Variants in QTMAN observed in about 807,000 individuals in gnomAD.
QTMAN encodes tRNA-queuosine alpha-mannosyltransferase.
At chr2:144,056,511 T>C in the QTMAN span, among the ~76,000 whole-genome samples, 31 of 152,318 alleles carry the variant, frequency 2.0e-4, no homozygotes, top group African/African-American at 7.5e-4. Context: ...CTGTCTTTCC[T>C]CCCTCCAATC....
At chr2:144,133,128 T>TATATATAG in the QTMAN span, among the ~76,000 whole-genome samples, 1 of 44,904 alleles carries the variant, frequency 2.2e-5, no homozygotes, top group Non-Finnish European at 3.9e-5. Flanking sequence ...TATATATATA[T>TATATATAG]ATATATATAT....
the QTMAN span, among the ~76,000 whole-genome samples, chr2:144,104,881 C>T: frequency 2.6e-5 from 4 of 152,218 alleles, no homozygotes; most frequent in African/African-American, 9.6e-5. Context: ...TGACACCTCA[C>T]ATGGCCAGGT....
chr2:144,060,463 G>A, the QTMAN span, among the ~76,000 whole-genome samples: 1 of 152,116 alleles, frequency 6.6e-6, no homozygotes, highest in Non-Finnish European at 1.5e-5. Flanking sequence ...GTTTCGCCAT[G>A]TTGGCCAGGC....
the QTMAN span, among the ~76,000 whole-genome samples, chr2:144,318,887 T>C: frequency 1.3e-5 from 2 of 152,194 alleles, no homozygotes; most frequent in African/African-American, 4.8e-5. Flanking sequence ...AGAGAATCCA[T>C]GCACCTCATT....
At chr2:144,207,250 C>G in the QTMAN span, among the ~76,000 whole-genome samples, 4 of 152,152 alleles carry the variant, frequency 2.6e-5, no homozygotes, top group Admixed American at 6.5e-5. Flanking sequence ...CCTTTAAAAT[C>G]CTAAGCCATG....
the QTMAN span, among the ~76,000 whole-genome samples, chr2:143,995,788 TTC>T: frequency 6.6e-6 from 1 of 152,192 alleles, no homozygotes; most frequent in Non-Finnish European, 1.5e-5. Context: ...ACTCCCAAAT[TTC>T]TGTCTTTAGT....
chr2:144,087,021 C>T, the QTMAN span, among the ~76,000 whole-genome samples: 1 of 151,998 alleles, frequency 6.6e-6, no homozygotes, highest in African/African-American at 2.4e-5. Flanking sequence ...CATTAAGTGA[C>T]AACAGTAACC....
the QTMAN span, among the ~76,000 whole-genome samples, chr2:144,260,021 G>C: frequency 6.6e-6 from 1 of 152,158 alleles, no homozygotes; most frequent in Non-Finnish European, 1.5e-5. Flanking sequence ...GTGGGAGAAA[G>C]AAAGTCTGCT....
At chr2:144,105,813 A>G in the QTMAN span, among the ~76,000 whole-genome samples, 1 of 152,220 alleles carries the variant, frequency 6.6e-6, no homozygotes, top group African/African-American at 2.4e-5. Context: ...CAGATTCACC[A>G]AAGTTGAAAT....
the QTMAN span, among the ~76,000 whole-genome samples, chr2:144,275,044 G>T: frequency 4.6e-5 from 7 of 151,950 alleles, no homozygotes; most frequent in Admixed American, 1.3e-4. Context: ...AGTGCTATAT[G>T]AGAATAAGAA....
At chr2:144,121,960 A>G in the QTMAN span, among the ~76,000 whole-genome samples, 1 of 152,256 alleles carries the variant, frequency 6.6e-6, no homozygotes, top group African/African-American at 2.4e-5. Context: ...TAGGTAAAAA[A>G]TAACAGCATT....
At chr2:144,275,169 G>A in the QTMAN span, among the ~76,000 whole-genome samples, 1 of 152,160 alleles carries the variant, frequency 6.6e-6, no homozygotes, top group Non-Finnish European at 1.5e-5. Flanking sequence ...CAGATCACCA[G>A]ATCCAGAGAT....
At chr2:144,196,668 C>T in the QTMAN span, among the ~76,000 whole-genome samples, 2 of 152,162 alleles carry the variant, frequency 1.3e-5, no homozygotes, top group Non-Finnish European at 2.9e-5. Flanking sequence ...AAGCATATTG[C>T]CTTATTCACC....
the QTMAN span, among the ~76,000 whole-genome samples, chr2:144,143,583 T>C: frequency 1.8e-3 from 280 of 152,004 alleles, no homozygotes; most frequent in Admixed American, 2.9e-3. Flanking sequence ...TAGTGCAAAT[T>C]TGGGGGGTGT....
At chr2:144,039,123 G>A in the QTMAN span, among the ~76,000 whole-genome samples, 3 of 151,932 alleles carry the variant, frequency 2.0e-5, no homozygotes, top group Non-Finnish European at 4.4e-5. Context: ...ATTTTAATAA[G>A]CATTCCATTA....
chr2:144,142,459 C>A, the QTMAN span, among the ~76,000 whole-genome samples: 1 of 151,930 alleles, frequency 6.6e-6, no homozygotes, highest in African/African-American at 2.4e-5. Flanking sequence ...TTACACCATA[C>A]TACCGAGAAC....
chr2:144,012,926 A>T, the QTMAN span, among the ~76,000 whole-genome samples: 6 of 152,098 alleles, frequency 3.9e-5, no homozygotes, highest in South Asian at 1.2e-3. Context: ...ACAAGGAGAG[A>T]GGGAGTTGAT....
the QTMAN span, among the ~76,000 whole-genome samples, chr2:143,987,914 C>G: frequency 6.6e-6 from 1 of 152,120 alleles, no homozygotes; most frequent in Non-Finnish European, 1.5e-5. Flanking sequence ...AATCTGTGGG[C>G]TGGGAAAGGT....
At chr2:144,185,949 G>C in the QTMAN span, among the ~76,000 whole-genome samples, 1 of 152,194 alleles carries the variant, frequency 6.6e-6, no homozygotes, top group Admixed American at 6.6e-5. Context: ...ACAAATGGCA[G>C]GCAGGCAATG....
Sources: allele counts gnomAD v4.1 joint callset (sites outside exome capture counted in the v4.1 genomes callset), GRCh38; gene constraint gnomAD v4.1.1; transcripts MANE v1.5; gene names NCBI Gene and HGNC (gene_info 2026-07-23, HGNC 2026-07-21).